The following RNGTT variants were observed in gnomAD, a reference collection of about 807,000 sequenced individuals.
RNGTT encodes mRNA-capping enzyme.
Under a neutral mutation model 79.3 loss-of-function variants are expected in RNGTT, and 33 were observed. The ratio of observed to expected loss-of-function variants is 0.42; its 90% confidence interval spans 0.32 to 0.56. The LOEUF is 0.56. RNGTT is among the 20% of genes least tolerant of loss of function. The pLI is 0.17. For missense variants in RNGTT, 497 were observed against 739.1 expected (o/e 0.67, Z 3.80); for synonymous variants, 222 against 235.9 (o/e 0.94, Z 0.54).
intron 14 of RNGTT, among the ~76,000 whole-genome samples, chr6:88,628,102 C>G (rs1772703974): frequency 6.6e-6 from 1 of 152,042 alleles, no homozygotes; most frequent in Non-Finnish European, 1.5e-5. Flanking sequence ...TTGCTCAGAG[C>G]CCTAGAGTTT....
chr6:88,709,305 C>CA (rs34297987), intron 13 of RNGTT, among the ~76,000 whole-genome samples: 52,902 of 138,500 alleles, frequency 0.38, 9,561 homozygotes, highest in African/African-American at 0.43. Flanking sequence ...ACTCAGTCTT[C>CA]AAAAAAAAAA....
chr6:88,901,495 C>CTTTTTTTTTTTTTTTTTTTTTTTTTTTT (rs71024314), intron 6 of RNGTT, among the ~76,000 whole-genome samples: 3 of 65,810 alleles, frequency 4.6e-5, no homozygotes, highest in African/African-American at 7.1e-5. Flanking sequence ...GCACCCTGAT[C>CTTTTTTTTTTTTTTTTTTTTTTTTTTTT]TTTTTTTTTT....
chr6:88,738,714 A>G (rs1777365566), intron 13 of RNGTT, among the ~76,000 whole-genome samples: 1 of 152,144 alleles, frequency 6.6e-6, no homozygotes, highest in Non-Finnish European at 1.5e-5. Context: ...TGCCATGTTA[A>G]TAATAGGGTA....
At chr6:88,886,391 C>T (rs1055043342) in intron 8 of RNGTT, among the ~76,000 whole-genome samples, 1 of 152,108 alleles carries the variant, frequency 6.6e-6, no homozygotes, top group South Asian at 2.1e-4. Flanking sequence ...GGACCAGAAA[C>T]AGGGCATAAT....
chr6:88,654,222 C>A (rs1481582595), intron 14 of RNGTT, among the ~76,000 whole-genome samples: 4 of 152,104 alleles, frequency 2.6e-5, no homozygotes, highest in African/African-American at 9.7e-5. Context: ...CTTTTTGAAG[C>A]TATTTTCAAC....
chr6:88,745,333 G>A (rs1283161751), intron 13 of RNGTT, among the ~76,000 whole-genome samples: 1 of 152,136 alleles, frequency 6.6e-6, no homozygotes, highest in East Asian at 1.9e-4. Flanking sequence ...TTATGAGAAA[G>A]TACCAGACAA....
chr6:88,781,618 A>C (rs1779066977), intron 12 of RNGTT, among the ~76,000 whole-genome samples: 1 of 152,136 alleles, frequency 6.6e-6, no homozygotes, highest in Admixed American at 6.5e-5. Flanking sequence ...TACACTTACA[A>C]TGAAAATTAC....
intron 13 of RNGTT, among the ~76,000 whole-genome samples, chr6:88,768,418 T>C (rs535884764): frequency 4.0e-4 from 61 of 152,288 alleles, no homozygotes; most frequent in Non-Finnish European, 7.1e-4. Flanking sequence ...TCAAATAAAA[T>C]GTTAAATACC....
Position 88,904,908 on chromosome 6 carries a change from A to T in RNGTT, c.491T>A (p.Ile164Asn), listed in dbSNP as rs1383871055. ...TTCCTTCAAATAATCACCCTTGTAG[A>T]TTCCTGGTGGTCTGGCTTGGGCAAA... is the stretch of plus-strand genomic sequence containing the variant. ...ATFAQARPPGIYKGDYLKELF... is the reference protein window; with the variant it reads ...ATFAQARPPGNYKGDYLKELF... The change falls in exon 6 of 16, where the codon ATC becomes AAC. Residue 164 changes from isoleucine (I) to asparagine (N), a missense_variant. Ile to Asn is a moderately radical substitution (Grantham distance 149). Around this residue, in one of 3 missense-constraint regions of RNGTT, gnomAD observed 440 missense variants for 671.5 expected, o/e 0.66. Transcript: ENST00000369485. The T allele has an allele frequency of 6.2e-7, 1 of 1,613,932 alleles. No homozygotes were observed. Among genetic ancestry groups the T allele is most frequent in the Non-Finnish European group, 8.5e-7 (1 of 1,180,006 alleles).
chr6:88,719,725 A>G (rs2127812337), intron 13 of RNGTT, among the ~76,000 whole-genome samples: 1 of 152,320 alleles, frequency 6.6e-6, no homozygotes, highest in Non-Finnish European at 1.5e-5. Context: ...ATTTGCATTT[A>G]AAAGATGTGT....
chr6:88,644,836 A>G (rs1246332268), intron 14 of RNGTT, among the ~76,000 whole-genome samples: 1 of 152,262 alleles, frequency 6.6e-6, no homozygotes, highest in Non-Finnish European at 1.5e-5. Context: ...TAAATTAGCT[A>G]TTGATGGGGC....
At chr6:88,664,972 G>A (rs1429342167) in intron 14 of RNGTT, among the ~76,000 whole-genome samples, 1 of 152,190 alleles carries the variant, frequency 6.6e-6, no homozygotes, top group East Asian at 1.9e-4. Context: ...GTTTGCCCCG[G>A]ACCTGCTCGG....
At chr6:88,795,432 G>A (rs1041473043) in intron 12 of RNGTT, among the ~76,000 whole-genome samples, 5 of 152,190 alleles carry the variant, frequency 3.3e-5, no homozygotes, top group Admixed American at 3.3e-4. Flanking sequence ...ACATAACACA[G>A]GAACAGAAAA....
intron 14 of RNGTT, among the ~76,000 whole-genome samples, chr6:88,620,255 G>A (rs568568911): frequency 6.6e-6 from 1 of 152,258 alleles, no homozygotes; most frequent in African/African-American, 2.4e-5. Context: ...AGTTACTTAG[G>A]AAAGAAGCAG....
At chr6:88,718,386 C>CA (rs569752110) in intron 13 of RNGTT, among the ~76,000 whole-genome samples, 3,886 of 90,058 alleles carry the variant, frequency 0.043, 154 homozygotes, top group African/African-American at 0.14. Flanking sequence ...GACTGTCTCT[C>CA]AAAAAAAAAA....
At chr6:88,824,167 T>C (rs1273779607) in intron 11 of RNGTT, among the ~76,000 whole-genome samples, 1 of 152,198 alleles carries the variant, frequency 6.6e-6, no homozygotes. Flanking sequence ...AAAAAATGCA[T>C]TGTTGGGTGA....
intron 12 of RNGTT, among the ~76,000 whole-genome samples, chr6:88,798,077 T>A (rs890436087): frequency 2.0e-5 from 3 of 152,138 alleles, no homozygotes; most frequent in Middle Eastern, 3.2e-3. Flanking sequence ...TTGGTTTTTT[T>A]AAATCATGGA....
intron 12 of RNGTT, among the ~76,000 whole-genome samples, chr6:88,785,052 T>G (rs1779184167): frequency 1.3e-5 from 2 of 152,134 alleles, no homozygotes; most frequent in Non-Finnish European, 2.9e-5. Flanking sequence ...AAATTAAAAT[T>G]ATACCACTGT....
chr6:88,684,409 T>A (rs371062335), intron 13 of RNGTT, among the ~76,000 whole-genome samples: 5 of 152,198 alleles, frequency 3.3e-5, no homozygotes, highest in Non-Finnish European at 7.3e-5. Flanking sequence ...AGAAAATGTA[T>A]GTCCATACAA....
Sources: gnomAD v4.1 joint callset for allele counts (sites outside exome capture counted in the v4.1 genomes callset) on GRCh38, gnomAD v4.1.1 for gene constraint, gnomAD v4.1.1 regional missense constraint, MANE v1.5 for transcripts, NCBI Gene and HGNC (gene_info 2026-07-23, HGNC 2026-07-21) for gene names.